Variants in CNTN4 observed in about 807,000 individuals in gnomAD.
CNTN4 encodes contactin-4.
CNTN4 carries 77 observed loss-of-function variants against 122.5 expected under a neutral mutation model. The ratio of observed to expected loss-of-function variants is 0.63; its 90% confidence interval spans 0.52 to 0.76. The LOEUF (loss-of-function observed/expected upper bound fraction) is 0.76. Among genes scored for constraint, CNTN4 ranks in the 30% least tolerant of loss-of-function variants. CNTN4 has a pLI of 0.00. For synonymous variants in CNTN4, 512 were observed against 447.0 expected, an observed-to-expected ratio of 1.15 and a Z score of -1.83; for missense variants, 1,256 against 1,259.1, an observed-to-expected ratio of 1.00 and a Z score of 0.04.
At chr3:2,981,342 G>T (rs1432394848) in intron 13 of CNTN4, among the ~76,000 whole-genome samples, 2 of 151,784 alleles carry the variant, frequency 1.3e-5, no homozygotes, top group East Asian at 3.9e-4. Context: ...TACTCGGGAG[G>T]CTGAGGCGGG....
chr3:2,400,430 T>TATATATATATATATATATATAC lies in CNTN4; in HGVS notation c.-89+61217_-89+61218insACATATATATATATATATATAT, dbSNP rs2046811017. 1.9e-4 allele frequency among the ~76,000 whole-genome samples: 13 copies of TATATATATATATATATATATAC among 68,548 alleles called. No individual in the cohort carries two copies. The South Asian group carries it at 2.5e-3, about 13-fold the overall frequency. The allele number at this position is 68,548 out of a possible 152,430, so 45.0% of individuals were successfully genotyped here. ...ATATATATATATATATATATATACATATATATATATATATATATATCTCTT... is the reference window on the plus strand; with the variant it reads ...ATATATATATATATATATATATACATATATATATATATATATATATACATATATATATATATATATATCTCTT... On this transcript the variant is annotated intron_variant, in intron 3 of 24. Transcript: ENST00000418658.
At chr3:2,931,778 G>A (rs1388976640) in intron 13 of CNTN4, among the ~76,000 whole-genome samples, 4 of 152,052 alleles carry the variant, frequency 2.6e-5, no homozygotes, top group African/African-American at 9.7e-5. Flanking sequence ...ACAGGCACAT[G>A]CCACCATGCC....
At chr3:2,330,724 C>T (rs1470577031) in intron 2 of CNTN4, among the ~76,000 whole-genome samples, 2 of 152,068 alleles carry the variant, frequency 1.3e-5, no homozygotes, top group African/African-American at 4.8e-5. Context: ...TTACTCTATG[C>T]TGTATTTCTT....
At position 2,715,489 on chromosome 3, in the gene CNTN4, A is replaced by G. The variant is rs80341907; in HGVS notation, c.56-20726A>G. ...CTTAACCCTTTATGTAAAAAAGGGA[A>G]TATCAGGGGGATTTATCTTACAAAA... On this transcript the variant is annotated intron_variant, in intron 4 of 24. Transcript: ENST00000418658. Among the ~76,000 whole-genome samples, 1,389 of 152,296 alleles carry G rather than the reference A, an allele frequency of 9.1e-3. 19 individuals are homozygous for G. The highest frequency in any genetic ancestry group is 0.032 in the African/African-American group (1,336 of 41,550).
chr3:2,178,648 A>G (rs903383164), intron 2 of CNTN4, among the ~76,000 whole-genome samples: 3 of 152,096 alleles, frequency 2.0e-5, no homozygotes, highest in African/African-American at 7.2e-5. Context: ...GCAGTTCTAG[A>G]CTGGAAATGA....
intron 6 of CNTN4, among the ~76,000 whole-genome samples, chr3:2,748,745 T>C (rs907809641): frequency 2.6e-5 from 4 of 152,232 alleles, no homozygotes; most frequent in African/African-American, 9.6e-5. Context: ...CTGCTCCGTC[T>C]GCATCGTCTT....
chr3:2,314,171 C>T (rs553121731), intron 2 of CNTN4, among the ~76,000 whole-genome samples: 2 of 151,776 alleles, frequency 1.3e-5, no homozygotes, highest in African/African-American at 4.8e-5. Context: ...GTGACAGAAG[C>T]CATAATAATT....
At chr3:2,391,517 T>A (rs887643264) in intron 3 of CNTN4, among the ~76,000 whole-genome samples, 1 of 152,172 alleles carries the variant, frequency 6.6e-6, no homozygotes. Flanking sequence ...AAACCAGATA[T>A]ACCAGTCTAG....
At chr3:2,306,321 G>A (rs1218790518) in intron 2 of CNTN4, among the ~76,000 whole-genome samples, 2 of 152,100 alleles carry the variant, frequency 1.3e-5, no homozygotes, top group African/African-American at 4.8e-5. Flanking sequence ...GTGGTTGCTT[G>A]TTTTTTAACT....
chr3:3,003,899 G>A (rs73116666), intron 14 of CNTN4, among the ~76,000 whole-genome samples: 13,014 of 151,650 alleles, frequency 0.086, 733 homozygotes, highest in African/African-American at 0.16. Context: ...ACAGGCGCAC[G>A]CCAGCACGCC....
At chr3:2,481,033 T>TTTTCTTTCTTTCTTTCTTTCTTTCTTTC (rs61026362) in intron 3 of CNTN4, among the ~76,000 whole-genome samples, 9,332 of 119,790 alleles carry the variant, frequency 0.078, 626 homozygotes, top group East Asian at 0.16. Flanking sequence ...TTTCTTTTTC[T>TTTTCTTTCTTTCTTTCTTTCTTTCTTTC]TTTCTTTCTT....
intron 3 of CNTN4, among the ~76,000 whole-genome samples, chr3:2,377,957 A>C (rs781676182): frequency 7.9e-5 from 12 of 152,218 alleles, no homozygotes; most frequent in Non-Finnish European, 1.6e-4. Context: ...GAGTGGATTA[A>C]AAGAAAGACA....
At chr3:2,897,887 G>A (rs1370001025) in intron 10 of CNTN4, among the ~76,000 whole-genome samples, 3 of 152,188 alleles carry the variant, frequency 2.0e-5, no homozygotes, top group African/African-American at 7.2e-5. Context: ...AAATATAGTT[G>A]AACCTTGATA....
chr3:2,361,128 C>G (rs1016767469), intron 3 of CNTN4, among the ~76,000 whole-genome samples: 8 of 152,120 alleles, frequency 5.3e-5, no homozygotes, highest in African/African-American at 1.9e-4. Flanking sequence ...ATGAGATGCT[C>G]AATTCTTAAA....
chr3:2,250,013 T>C (rs1290081102), intron 2 of CNTN4, among the ~76,000 whole-genome samples: 1 of 151,976 alleles, frequency 6.6e-6, no homozygotes, highest in East Asian at 1.9e-4. Context: ...AGAATTTCCT[T>C]ATCCATTTCC....
intron 2 of CNTN4, among the ~76,000 whole-genome samples, chr3:2,157,368 C>T (rs1364490003): frequency 6.6e-6 from 1 of 151,932 alleles, no homozygotes; most frequent in East Asian, 1.9e-4. Flanking sequence ...GTCCAGTGTA[C>T]ATGTGTTTAC....
At position 2,890,444 on chromosome 3, in the gene CNTN4, T is replaced by G. The variant is rs188282231; in HGVS notation, c.940+3220T>G. Among the ~76,000 whole-genome samples the G allele has an allele frequency of 1.7e-4, 26 of 152,332 alleles. No homozygotes were observed. In the East Asian group the frequency reaches 4.2e-3, roughly 25 times the overall value. ...TTCTGTCTTTGTTGACAAGAATTTC[T>G]TACAACCTAGGAATTATAAACCATG... On this transcript the variant is annotated intron_variant, in intron 10 of 24. Transcript: ENST00000418658.
At chr3:2,416,976 A>C (rs1384391087) in intron 3 of CNTN4, among the ~76,000 whole-genome samples, 4 of 152,146 alleles carry the variant, frequency 2.6e-5, no homozygotes, top group Non-Finnish European at 5.9e-5. Flanking sequence ...TTTCTATGGT[A>C]TAAGAGTTAC....
At chr3:2,675,569 C>T (rs1260824905) in intron 4 of CNTN4, among the ~76,000 whole-genome samples, 1 of 152,164 alleles carries the variant, frequency 6.6e-6, no homozygotes, top group African/African-American at 2.4e-5. Context: ...AGAATGAAAG[C>T]TCCACGAAGA....
Sources: gnomAD v4.1 joint callset for allele counts (sites outside exome capture counted in the v4.1 genomes callset) on GRCh38, gnomAD v4.1.1 for gene constraint, MANE v1.5 for transcripts, NCBI Gene and HGNC (gene_info 2026-07-23, HGNC 2026-07-21) for gene names.